Variants in EFR3B observed in about 807,000 individuals in gnomAD.
EFR3B encodes EFR3 homolog B, also known as protein EFR3 homolog B.
In EFR3B, 64 loss-of-function variants were observed where a neutral mutation model predicts 104.7. The observed-to-expected ratio is 0.61, with a 90% confidence interval of 0.50 to 0.75. The LOEUF (loss-of-function observed/expected upper bound fraction) is 0.75. EFR3B is among the 30% of genes least tolerant of loss of function. The pLI is 0.00. For missense variants in EFR3B, 750 were observed against 1,078.5 expected, an observed-to-expected ratio of 0.70 and a Z score of 4.27; for synonymous variants, 385 against 417.9, an observed-to-expected ratio of 0.92 and a Z score of 0.96.
At chr2:25,091,846 G>A (rs1669134298) in intron 2 of EFR3B, among the ~76,000 whole-genome samples, 1 of 152,136 alleles carries the variant, frequency 6.6e-6, no homozygotes, top group Non-Finnish European at 1.5e-5. Flanking sequence ...CAGGTGTCTA[G>A]GGGCACACAC....
At chr2:25,101,842 G>A (rs201903313) in intron 3 of EFR3B, among the ~76,000 whole-genome samples, 2 of 91,156 alleles carry the variant, frequency 2.2e-5, no homozygotes, top group African/African-American at 2.9e-5. Flanking sequence ...AAACTGTAAA[G>A]ATTTTAACCA....
At chr2:25,071,515 T>G (rs558567381) in intron 1 of EFR3B, among the ~76,000 whole-genome samples, 19 of 152,248 alleles carry the variant, frequency 1.2e-4, no homozygotes, top group African/African-American at 4.6e-4. Context: ...CGCCTCGGCC[T>G]CCCAAAGTGC....
intron 5 of EFR3B, among the ~76,000 whole-genome samples, chr2:25,125,941 A>C (rs911153725): frequency 1.3e-5 from 2 of 152,244 alleles, no homozygotes; most frequent in Non-Finnish European, 2.9e-5. Context: ...CTCAAAAAAA[A>C]ACGAAGTTAA....
At chr2:25,140,411 C>T (rs959569627) in intron 16 of EFR3B, among the ~76,000 whole-genome samples, 13 of 152,156 alleles carry the variant, frequency 8.5e-5, no homozygotes, top group African/African-American at 3.1e-4. Context: ...GGGGAGGGTG[C>T]CGTGACTGTG....
chr2:25,080,113 G>T, intron 1 of EFR3B: 1 of 1,022,392 alleles, frequency 9.8e-7, no homozygotes, highest in Non-Finnish European at 1.6e-6. Context: ...TTTTACTGCC[G>T]TGACTATACC....
intron 6 of EFR3B, 64 bp from the exon 7 acceptor site, chr2:25,129,911 G>A: frequency 6.5e-7 from 1 of 1,531,368 alleles, no homozygotes; most frequent in African/African-American, 1.4e-5. Context: ...GGAAAGCCGG[G>A]ATTGTACAGA....
chr2:25,157,521 G>T lies in EFR3B; in HGVS notation c.*3181G>T, dbSNP rs2149217265. 1 of 152,424 alleles carries T rather than the reference G, an allele frequency of 6.6e-6. No homozygotes were observed. Among genetic ancestry groups the T allele is most frequent in the East Asian group, 1.9e-4 (1 of 5,182 alleles). 9.4% of individuals were successfully genotyped at this position (152,424 alleles called of 1,614,324 possible). ...CCTTTTTGCCACCCTTCTCTGATGT[G>T]ATTTTGAGCGAAGAGGAGTCAGTAA... On this transcript the variant is annotated 3_prime_UTR_variant, in exon 23 of 23. Coordinates refer to ENST00000403714, the MANE Select transcript of EFR3B (RefSeq NM_014971.2).
chr2:25,098,298 A>G (rs897231530), intron 3 of EFR3B, among the ~76,000 whole-genome samples: 1 of 152,130 alleles, frequency 6.6e-6, no homozygotes, highest in African/African-American at 2.4e-5. Context: ...TGGCCCTACT[A>G]AAGCTGCCTC....
chr2:25,067,645 G>A (rs1478519789), intron 1 of EFR3B, among the ~76,000 whole-genome samples: 3 of 151,802 alleles, frequency 2.0e-5, no homozygotes, highest in Admixed American at 6.6e-5. Flanking sequence ...TGTTAACCAG[G>A]GTGGTCTCGA....
intron 3 of EFR3B, among the ~76,000 whole-genome samples, chr2:25,102,634 C>T (rs1669456812): frequency 1.3e-5 from 2 of 152,206 alleles, no homozygotes; most frequent in African/African-American, 4.8e-5. Context: ...CCCCTTGACA[C>T]GTGGGGATTA....
At chr2:25,108,854 C>A (rs1669638637) in intron 4 of EFR3B, among the ~76,000 whole-genome samples, 1 of 143,592 alleles carries the variant, frequency 7.0e-6, no homozygotes, top group South Asian at 2.2e-4. Context: ...CAAAATTCAG[C>A]CGGGGTGTGG....
At chr2:25,065,266 G>A (rs559361718) in intron 1 of EFR3B, among the ~76,000 whole-genome samples, 16 of 151,630 alleles carry the variant, frequency 1.1e-4, no homozygotes, top group Admixed American at 2.6e-4. Flanking sequence ...CTGCAGCCTC[G>A]AACTCCCTGG....
chr2:25,093,239 A>C, intron 3 of EFR3B, 109 bp downstream of exon 3: 1 of 1,408,518 alleles, frequency 7.1e-7, no homozygotes, highest in Non-Finnish European at 9.4e-7. Context: ...TCACGCCTGT[A>C]ATCCCAGCGC....
At chr2:25,150,800 A>AG (rs1491574412) in intron 20 of EFR3B, among the ~76,000 whole-genome samples, 1 of 152,012 alleles carries the variant, frequency 6.6e-6, no homozygotes, top group Non-Finnish European at 1.5e-5. Flanking sequence ...TAGTAGAGAC[A>AG]GGGTTTCACC....
At chr2:25,089,940 C>T (rs550187715) in intron 1 of EFR3B, among the ~76,000 whole-genome samples, 1 of 152,194 alleles carries the variant, frequency 6.6e-6, no homozygotes, top group African/African-American at 2.4e-5. Context: ...ATGCCCATCC[C>T]CAAACCCAAA....
chr2:25,089,005 G>A (rs1006169898), intron 1 of EFR3B, among the ~76,000 whole-genome samples: 4 of 152,162 alleles, frequency 2.6e-5, no homozygotes, highest in East Asian at 1.9e-4. Context: ...GTGTGGTGGC[G>A]GCTCCTGGAG....
intron 3 of EFR3B, among the ~76,000 whole-genome samples, chr2:25,093,380 G>A (rs1355991621): frequency 6.6e-6 from 1 of 152,072 alleles, no homozygotes; most frequent in African/African-American, 2.4e-5. Flanking sequence ...TGTAGTGCCA[G>A]CTACTTGGGA....
intron 4 of EFR3B, among the ~76,000 whole-genome samples, chr2:25,108,269 C>T (rs1303167747): frequency 1.3e-5 from 2 of 152,196 alleles, no homozygotes; most frequent in African/African-American, 4.8e-5. Context: ...TTCACTTCTG[C>T]ACACCTGCCT....
At position 25,136,664 on chromosome 2, in the gene EFR3B, C is replaced by T; in HGVS notation, c.1560+66C>T. ...CGGTGGCTCACGCCTGCAATCCCAG[C>T]ACTTTGGGAGGCTGAGGCGGGCGGA... On this transcript the variant is annotated intron_variant, in intron 14 of 22. Coordinates refer to ENST00000403714, the MANE Select transcript of EFR3B (RefSeq NM_014971.2). The surrounding 1 kb of genome is among the most constrained non-coding windows in gnomAD (Gnocchi z 4.0). 1 of 1,404,700 alleles carries T rather than the reference C, an allele frequency of 7.1e-7. No homozygotes were observed. The allele number at this position is 1,404,700 out of a possible 1,614,324, so 87.0% of individuals were successfully genotyped here.
Sources: allele counts gnomAD v4.1 joint callset (sites outside exome capture counted in the v4.1 genomes callset), GRCh38; gene constraint gnomAD v4.1.1; non-coding constraint Gnocchi (gnomAD v3.1); transcripts MANE v1.5; gene names NCBI Gene and HGNC (gene_info 2026-07-23, HGNC 2026-07-21).